Variants in EDA2R observed in about 807,000 individuals in gnomAD.
EDA2R encodes the protein ectodysplasin A2 receptor.
Under a neutral mutation model 20.1 loss-of-function variants are expected in EDA2R, and 26 were observed. The observed-to-expected ratio is 1.30, with a 90% CI of 0.95 to 1.80. EDA2R has a LOEUF of 1.80. EDA2R is among the 40% of genes most tolerant of loss of function. The probability of loss-of-function intolerance (pLI) is 0.00; values close to 1 mark genes in which losing one functional copy is unlikely to be tolerated. For missense variants in EDA2R, 277 were observed against 228.7 expected, an observed-to-expected ratio of 1.21 and a Z score of -1.36; for synonymous variants, 114 against 88.7, an observed-to-expected ratio of 1.29 and a Z score of -1.60.
intron 1 of EDA2R, among the ~76,000 whole-genome samples, chrX:66,637,388 C>A (rs975083797): frequency 5.4e-5 from 6 of 111,532 alleles, no homozygotes; most frequent in South Asian, 3.8e-4. Flanking sequence ...AGCTGACTAA[C>A]CTTTTACCAG....
In EDA2R at chrX:66,602,919, C is replaced by G. The variant is rs550770295; in HGVS notation, c.353-122G>C. ...CTAGGGCCTTCCCCAATTAGGGTGG[C>G]TATGCTGGTTTTACTTCTTTCTAGA... On this transcript the variant is annotated intron_variant, in intron 4 of 6. Coordinates refer to ENST00000374719, the MANE Select transcript of EDA2R (RefSeq NM_021783.5). The G allele has an allele frequency of 2.2e-4, 139 of 634,760 alleles. No homozygotes were observed. In the South Asian group the frequency reaches 5.6e-3, roughly 25 times the overall value. The allele number at this position is 634,760 out of a possible 1,213,427, so 52.3% of individuals were successfully genotyped here.
At chrX:66,600,080 A>G in intron 5 of EDA2R, 2 of 1,158,214 alleles carry the variant, frequency 1.7e-6, no homozygotes. Flanking sequence ...TGGATCAGAG[A>G]AAATAATCAA....
intron 1 of EDA2R, among the ~76,000 whole-genome samples, chrX:66,630,045 C>T (rs1403919378): frequency 9.0e-6 from 1 of 111,303 alleles, no homozygotes; most frequent in Admixed American, 9.5e-5. Flanking sequence ...CAAATACTTG[C>T]AGCCAACTGA....
chrX:66,598,519 A>G (rs1436538433), intron 6 of EDA2R, among the ~76,000 whole-genome samples: 1 of 111,738 alleles, frequency 8.9e-6, no homozygotes, highest in Admixed American at 9.5e-5. Context: ...ATTGAGAAGT[A>G]GTCAGCCCTC....
intron 2 of EDA2R, among the ~76,000 whole-genome samples, chrX:66,605,740 A>T (rs1466381122): frequency 3.6e-5 from 4 of 112,271 alleles, no homozygotes; most frequent in Non-Finnish European, 7.5e-5. Context: ...ACATCACATG[A>T]TCATTAATAA....
chrX:66,632,467 G>A (rs2148039410), intron 1 of EDA2R, among the ~76,000 whole-genome samples: 1 of 108,610 alleles, frequency 9.2e-6, no homozygotes, highest in African/African-American at 3.4e-5. Flanking sequence ...GGGTGAGGAG[G>A]AGGAGAAGGG....
In EDA2R at chrX:66,599,598, T is replaced by C; in HGVS notation, c.780A>G (p.Gln260=). The change falls in exon 6 of 7, where the codon CAA becomes CAG. Residue 260 remains glutamine (Q), a synonymous_variant. Coordinates refer to ENST00000374719, the MANE Select transcript of EDA2R (RefSeq NM_021783.5). ...SPIECTELDL[Q]KFSSSASYTG... is the part of the protein sequence containing the mutation. ...TATAGGAGGCAGAGCTGGAAAACTT[T>C]TGCAGGTCCAGCTCTGTGCATTCGA... 1.7e-6 allele frequency: 2 copies of C among 1,200,852 alleles called. No homozygotes were observed. Among genetic ancestry groups the C allele is most frequent in the Non-Finnish European group, 2.2e-6 (2 of 889,892 alleles).
At position 66,631,039 on chromosome X, in the gene EDA2R, GTA is replaced by G. The variant is rs111846396; in HGVS notation, c.-11+7954_-11+7955del. On this transcript the variant is annotated intron_variant, in intron 1 of 6. Coordinates refer to ENST00000374719, the MANE Select transcript of EDA2R (RefSeq NM_021783.5). ...TATATACATATACACACACATGTGTGTATATGTATATATACACATATATATTG... is the reference window on the plus strand; with the variant it reads ...TATATACATATACACACACATGTGTGTATGTATATATACACATATATATTG... Among the ~76,000 whole-genome samples the G allele has an allele frequency of 2.6e-3, 285 of 108,693 alleles. 1 individual carries two copies. Among genetic ancestry groups the G allele is most frequent in the African/African-American group, 9.2e-3 (275 of 29,908 alleles). The allele number at this position is 108,693 out of a possible 115,157, so 94.4% of individuals were successfully genotyped here.
At chrX:66,631,030 C>T (rs1291837479) in intron 1 of EDA2R, among the ~76,000 whole-genome samples, 8 of 108,644 alleles carry the variant, frequency 7.4e-5, no homozygotes, top group African/African-American at 2.7e-4. Flanking sequence ...CATATACACA[C>T]ACATGTGTGT....
At chrX:66,602,955 T>C (rs1928923501) in intron 4 of EDA2R, among the ~76,000 whole-genome samples, 158 bp from the exon 5 acceptor site, 1 of 112,018 alleles carries the variant, frequency 8.9e-6, no homozygotes, top group Non-Finnish European at 1.9e-5. Flanking sequence ...GCAGGCAAAA[T>C]TATAAAGAAC....
chrX:66,629,037 T>C (rs954220203), intron 1 of EDA2R, among the ~76,000 whole-genome samples: 1 of 111,801 alleles, frequency 8.9e-6, no homozygotes, highest in African/African-American at 3.3e-5. Flanking sequence ...TGGTTTAACA[T>C]ACACAAGGCA....
At chrX:66,603,290 G>A (rs1411647048) in intron 4 of EDA2R, among the ~76,000 whole-genome samples, 1 of 112,134 alleles carries the variant, frequency 8.9e-6, no homozygotes, top group Non-Finnish European at 1.9e-5. Context: ...GCATATATTG[G>A]TTATGAATAT....
intron 1 of EDA2R, among the ~76,000 whole-genome samples, chrX:66,624,607 T>C (rs1165548322): frequency 9.0e-6 from 1 of 111,455 alleles, no homozygotes; most frequent in Non-Finnish European, 1.9e-5. Flanking sequence ...AAGATCTCAG[T>C]AAAGAAGTAG....
At chrX:66,630,223 G>C (rs1454745951) in intron 1 of EDA2R, among the ~76,000 whole-genome samples, 4 of 111,540 alleles carry the variant, frequency 3.6e-5, no homozygotes, top group Non-Finnish European at 5.7e-5. Context: ...TCTAAGACCC[G>C]AATCTATAAA....
intron 2 of EDA2R, among the ~76,000 whole-genome samples, chrX:66,610,277 A>ACG (rs1202715864): frequency 2.0e-5 from 2 of 102,507 alleles, no homozygotes; most frequent in Non-Finnish European, 4.0e-5. Flanking sequence ...ACACAAACAC[A>ACG]CACACACACA....
At chrX:66,610,329 C>T (rs1334795642) in intron 2 of EDA2R, among the ~76,000 whole-genome samples, 1 of 101,595 alleles carries the variant, frequency 9.8e-6, no homozygotes, top group Non-Finnish European at 2.1e-5. Flanking sequence ...ACATATATAG[C>T]TCTGTGTGTG....
At chrX:66,634,217 C>A (rs1164778008) in intron 1 of EDA2R, among the ~76,000 whole-genome samples, 1 of 112,125 alleles carries the variant, frequency 8.9e-6, no homozygotes, top group African/African-American at 3.2e-5. Context: ...AATATTTCTT[C>A]ATTTTTTCTT....
At position 66,597,696 on chromosome X, in the gene EDA2R, A is replaced by G; in HGVS notation, c.*408T>C. The G allele has an allele frequency of 7.4e-6, 1 of 134,345 alleles. No individual in the cohort carries two copies. The highest frequency in any genetic ancestry group is 2.3e-4 in the South Asian group (1 of 4,383). The allele number at this position is 134,345 out of a possible 1,213,427, so 11.1% of individuals were successfully genotyped here. A position where few individuals can be genotyped will look rare whatever the true frequency, so the allele number is the denominator to read the frequency against. On this transcript the variant is annotated 3_prime_UTR_variant, in exon 7 of 7. Transcript: ENST00000374719. ...AGGAGGGAGACAGTGTGGAGGAGCT[A>G]AAAGGGGAGAAGGGTTTGATTTTGT...
At chrX:66,598,173 A>C (rs2147498958) in intron 6 of EDA2R, 80 bp from the exon 7 acceptor site, 29 of 353,372 alleles carry the variant, frequency 8.2e-5, no homozygotes, top group East Asian at 2.1e-4. Context: ...TCCAAATATC[A>C]TAGGTTAAGC....
Sources: gnomAD v4.1 joint callset for allele counts (sites outside exome capture counted in the v4.1 genomes callset) on GRCh38, gnomAD v4.1.1 for gene constraint, MANE v1.5 for transcripts, NCBI Gene and HGNC (gene_info 2026-07-23, HGNC 2026-07-21) for gene names.